Variants in ADAMTSL3 observed in about 807,000 individuals in gnomAD.
ADAMTSL3 encodes the protein ADAMTS-like protein 3.
In ADAMTSL3, 128 loss-of-function variants were observed where a neutral mutation model predicts 201.7. The ratio of observed to expected loss-of-function variants is 0.63; its 90% CI spans 0.55 to 0.73. The LOEUF is 0.73. Ranked by LOEUF, ADAMTSL3 falls within the 30% of genes least tolerant of loss-of-function variation. ADAMTSL3 has a pLI of 0.00. For missense variants in ADAMTSL3, 1,990 were observed against 2,119.6 expected (o/e 0.94, Z 1.20); for synonymous variants, 738 against 748.4 (o/e 0.99, Z 0.23).
At chr15:83,964,286 T>G (rs1173760476) in intron 19 of ADAMTSL3, among the ~76,000 whole-genome samples, 1 of 151,956 alleles carries the variant, frequency 6.6e-6, no homozygotes, top group Non-Finnish European at 1.5e-5. Context: ...GAAAAAGGGT[T>G]AGAGGAATTG....
intron 9 of ADAMTSL3, 44 bp from the exon 10 acceptor site, chr15:83,885,057 A>G: frequency 3.0e-6 from 4 of 1,332,230 alleles, no homozygotes; most frequent in Non-Finnish European, 4.3e-6. Flanking sequence ...GGAAAGCACT[A>G]GCTCCTTGTT....
At chr15:83,845,029 G>T (rs1266391557) in intron 7 of ADAMTSL3, among the ~76,000 whole-genome samples, 1 of 152,148 alleles carries the variant, frequency 6.6e-6, no homozygotes, top group Non-Finnish European at 1.5e-5. Flanking sequence ...AATGTCAGGT[G>T]CCCATTCCCC....
intron 16 of ADAMTSL3, among the ~76,000 whole-genome samples, chr15:83,918,357 A>G (rs146908937): frequency 2.7e-4 from 41 of 152,380 alleles, no homozygotes; most frequent in Non-Finnish European, 5.3e-4. Context: ...TCTAATAGGA[A>G]AAATGCATTC....
intron 4 of ADAMTSL3, among the ~76,000 whole-genome samples, chr15:83,787,738 C>T (rs2063287353): frequency 6.6e-6 from 1 of 152,094 alleles, no homozygotes; most frequent in Non-Finnish European, 1.5e-5. Context: ...CAGTTGTAGG[C>T]ACTACGCATT....
chr15:83,967,914 C>T (rs569715089), intron 19 of ADAMTSL3, among the ~76,000 whole-genome samples: 1 of 152,252 alleles, frequency 6.6e-6, no homozygotes, highest in South Asian at 2.1e-4. Flanking sequence ...ACAAACATGA[C>T]AGAAACAAGC....
intron 6 of ADAMTSL3, among the ~76,000 whole-genome samples, chr15:83,827,015 G>GGT (rs1407612508): frequency 1.3e-5 from 2 of 151,992 alleles, no homozygotes; most frequent in East Asian, 3.9e-4. Context: ...TAATCCTTTG[G>GGT]GTATATACCC....
rs768838715 is a variant in ADAMTSL3, at chr15:83,806,690, C to T, written c.363+1995C>T. ...CCAACATGGTGAAACTCTGTCTCTA[C>T]GAAAAATACAAAAATCAGCCAGGTG... On this transcript the variant is annotated intron_variant, in intron 5 of 29. Coordinates refer to ENST00000286744, the MANE Select transcript of ADAMTSL3 (RefSeq NM_207517.3). Among the ~76,000 whole-genome samples, 16 of 152,062 alleles carry T rather than the reference C, an allele frequency of 1.1e-4. 1 individual carries two copies. The highest frequency in any genetic ancestry group is 2.0e-4 in the Admixed American group (3 of 15,276).
intron 28 of ADAMTSL3, among the ~76,000 whole-genome samples, chr15:84,032,097 G>A (rs1022667190): frequency 6.6e-6 from 1 of 152,128 alleles, no homozygotes. Flanking sequence ...GGGCTTGGGA[G>A]TTCTATTATA....
chr15:83,771,191 A>G (rs1304121928), intron 3 of ADAMTSL3, among the ~76,000 whole-genome samples: 1 of 146,670 alleles, frequency 6.8e-6, no homozygotes, highest in East Asian at 2.0e-4. Context: ...TTTTATTTTA[A>G]TAGGTCCATT....
chr15:83,770,376 A>G lies in ADAMTSL3; in HGVS notation c.190-3147A>G, dbSNP rs148380606. 4.5e-3 allele frequency among the ~76,000 whole-genome samples: 681 copies of G among 152,362 alleles called. 4 individuals are homozygous for G. The highest frequency in any genetic ancestry group is 0.015 in the African/African-American group (644 of 41,586). On this transcript the variant is annotated intron_variant, in intron 3 of 29. Transcript: ENST00000286744. ...AGTTCATTTCCTGTCTTTTCCCAAC[A>G]ACATTCGTTCCTAGTCCTACTTACT...
intron 26 of ADAMTSL3, among the ~76,000 whole-genome samples, chr15:84,024,251 G>A (rs998133503): frequency 2.0e-5 from 3 of 152,116 alleles, no homozygotes; most frequent in African/African-American, 2.4e-5. Flanking sequence ...ATGAGACTCC[G>A]TCTCACAACA....
Position 83,935,790 on chromosome 15 carries a change from A to G in ADAMTSL3, c.2118-6806A>G, listed in dbSNP as rs143910463. On this transcript the variant is annotated intron_variant, in intron 17 of 29. Transcript: ENST00000286744. ...TTAGAGATGAAATAGGGATATTTTC[A>G]GATTGTAATAGTATCTCCTTATGCA... 2.8e-3 allele frequency among the ~76,000 whole-genome samples: 419 copies of G among 152,282 alleles called. 1 individual carries two copies. Among genetic ancestry groups the G allele is most frequent in the African/African-American group, 9.3e-3 (388 of 41,582 alleles).
At chr15:83,991,476 T>C (rs1469584281) in intron 23 of ADAMTSL3, among the ~76,000 whole-genome samples, 1 of 152,216 alleles carries the variant, frequency 6.6e-6, no homozygotes, top group Non-Finnish European at 1.5e-5. Flanking sequence ...ACTGGAATGT[T>C]CATATTGGCA....
intron 17 of ADAMTSL3, among the ~76,000 whole-genome samples, chr15:83,928,579 A>G (rs1044402282): frequency 6.6e-6 from 1 of 152,082 alleles, no homozygotes; most frequent in Non-Finnish European, 1.5e-5. Context: ...CACTGATGAA[A>G]CTCTCAGTTT....
chr15:84,027,851 A>G (rs1391562538), intron 27 of ADAMTSL3, among the ~76,000 whole-genome samples: 1 of 152,190 alleles, frequency 6.6e-6, no homozygotes, highest in Non-Finnish European at 1.5e-5. Context: ...AATAAAAAAA[A>G]TGGAAACAAT....
intron 7 of ADAMTSL3, among the ~76,000 whole-genome samples, chr15:83,852,109 T>G (rs2064628030): frequency 6.6e-6 from 1 of 152,100 alleles, no homozygotes. Flanking sequence ...TTCTCATAAT[T>G]TGGCTTGTTT....
At chr15:83,773,392 G>A (rs954338449) in intron 3 of ADAMTSL3, 131 bp from the exon 4 acceptor site, 51 of 1,011,340 alleles carry the variant, frequency 5.0e-5, no homozygotes, top group South Asian at 1.2e-4. Context: ...CAATAAGATC[G>A]AAGCTCTGTC....
intron 23 of ADAMTSL3, among the ~76,000 whole-genome samples, chr15:84,006,978 G>A (rs2067906670): frequency 6.6e-6 from 1 of 152,144 alleles, no homozygotes; most frequent in Non-Finnish European, 1.5e-5. Flanking sequence ...GATTAAGACT[G>A]GATAGGTAGA....
intron 8 of ADAMTSL3, among the ~76,000 whole-genome samples, chr15:83,859,413 G>T (rs35340858): frequency 0.047 from 7,111 of 152,276 alleles, 229 homozygotes; most frequent in East Asian, 0.19. Context: ...TTCAGCCTCA[G>T]TTCCCTCTTA....
Sources: gnomAD v4.1 joint callset for allele counts (sites outside exome capture counted in the v4.1 genomes callset) on GRCh38, gnomAD v4.1.1 for gene constraint, MANE v1.5 for transcripts, NCBI Gene and HGNC (gene_info 2026-07-23, HGNC 2026-07-21) for gene names.